EFHC2: variants seen among roughly 807,000 people sequenced by gnomAD.
EFHC2 encodes the protein EF-hand domain-containing family member C2.
A neutral mutation model predicts 52.7 loss-of-function variants in EFHC2; 18 were observed. That is an observed-to-expected ratio of 0.34 (90% CI 0.24 to 0.51). The LOEUF (loss-of-function observed/expected upper bound fraction) is 0.51. Among genes scored for constraint, EFHC2 ranks in the 20% least tolerant of loss-of-function variants. The pLI is 0.97. For synonymous variants in EFHC2, 203 were observed against 204.1 expected, an observed-to-expected ratio of 0.99 and a Z score of 0.04; for missense variants, 513 against 562.5, an observed-to-expected ratio of 0.91 and a Z score of 0.89.
At chrX:44,195,387 C>A (rs1442177438) in intron 11 of EFHC2, among the ~76,000 whole-genome samples, 1 of 111,748 alleles carries the variant, frequency 8.9e-6, no homozygotes, top group Non-Finnish European at 1.9e-5. Context: ...AACCCACGGA[C>A]CTGTAAGCTA....
intron 2 of EFHC2, among the ~76,000 whole-genome samples, chrX:44,275,707 G>A (rs1408180675): frequency 9.3e-6 from 1 of 107,293 alleles, no homozygotes; most frequent in African/African-American, 3.4e-5. Flanking sequence ...TGAGGTCAGG[G>A]GTTCGAGACC....
intron 11 of EFHC2, among the ~76,000 whole-genome samples, chrX:44,194,552 ATG>A (rs1232245061): frequency 3.6e-5 from 4 of 112,399 alleles, no homozygotes; most frequent in African/African-American, 9.7e-5. Flanking sequence ...TTTCAAAGTA[ATG>A]GAAGAAATCC....
At chrX:44,274,717 C>G (rs186963618) in intron 2 of EFHC2, among the ~76,000 whole-genome samples, 46 of 110,089 alleles carry the variant, frequency 4.2e-4, no homozygotes, top group African/African-American at 1.5e-3. Flanking sequence ...AATGAGACCC[C>G]GTTTTTACAA....
chrX:44,178,047 C>A (rs2036801785), intron 12 of EFHC2, among the ~76,000 whole-genome samples: 1 of 107,856 alleles, frequency 9.3e-6, no homozygotes, highest in Non-Finnish European at 1.9e-5. Context: ...AGGAGACTCT[C>A]TTGAACCTGG....
chrX:44,280,058 C>CAT (rs2037690964), intron 2 of EFHC2, among the ~76,000 whole-genome samples: 1 of 107,578 alleles, frequency 9.3e-6, no homozygotes, highest in Non-Finnish European at 1.9e-5. Flanking sequence ...CACACACACA[C>CAT]ACACACACAG....
At chrX:44,309,934 T>G in intron 2 of EFHC2, 2 of 994,475 alleles carry the variant, frequency 2.0e-6, no homozygotes, top group Non-Finnish European at 2.9e-6. Context: ...TTGATGTAAG[T>G]GTCAATAAGG....
intron 10 of EFHC2, among the ~76,000 whole-genome samples, chrX:44,230,593 T>A (rs773075162): frequency 2.7e-5 from 3 of 111,018 alleles, no homozygotes; most frequent in African/African-American, 9.8e-5. Context: ...TGATATTAAA[T>A]AGTATAGCAA....
intron 8 of EFHC2, among the ~76,000 whole-genome samples, chrX:44,236,403 A>G (rs1045386454): frequency 1.8e-5 from 2 of 112,188 alleles, no homozygotes; most frequent in Non-Finnish European, 3.8e-5. Context: ...AACTAAAATC[A>G]TTACCCCAGG....
At chrX:44,294,249 CGTGTGTGTGTGTGTGTGTGTGTGT>C (rs200162737) in intron 2 of EFHC2, among the ~76,000 whole-genome samples, 10 of 87,495 alleles carry the variant, frequency 1.1e-4, no homozygotes, top group Non-Finnish European at 2.3e-4. Context: ...GTATACTCAA[CGTGTGTGTGTGTGTGTGTGTGTGT>C]GTGTGTGTGT....
At chrX:44,314,043 A>G (rs186060844) in intron 1 of EFHC2, among the ~76,000 whole-genome samples, 16 of 112,371 alleles carry the variant, frequency 1.4e-4, no homozygotes, top group African/African-American at 5.2e-4. Context: ...ATTTCACGAC[A>G]CATATGTAAA....
chrX:44,309,725 T>C, intron 2 of EFHC2: 1 of 975,763 alleles, frequency 1.0e-6, no homozygotes, highest in South Asian at 1.9e-5. Flanking sequence ...AGGCCAGGCA[T>C]CGGTCCTCGT....
At chrX:44,210,821 A>G (rs2037089650) in intron 11 of EFHC2, among the ~76,000 whole-genome samples, 1 of 112,471 alleles carries the variant, frequency 8.9e-6, no homozygotes, top group Non-Finnish European at 1.9e-5. Context: ...GCAAAAACTG[A>G]TAAATAGGAC....
At chrX:44,170,370 G>A (rs1157062956) in intron 13 of EFHC2, among the ~76,000 whole-genome samples, 1 of 111,233 alleles carries the variant, frequency 9.0e-6, no homozygotes, top group Non-Finnish European at 1.9e-5. Flanking sequence ...GTTAGATGAG[G>A]TTGTAAGGAG....
intron 1 of EFHC2, among the ~76,000 whole-genome samples, chrX:44,335,127 G>A (rs1174728642): frequency 9.1e-6 from 1 of 110,424 alleles, no homozygotes; most frequent in Non-Finnish European, 1.9e-5. Context: ...TCAAAAGACT[G>A]TGTAGATTAT....
At chrX:44,298,376 C>T (rs1248563144) in intron 2 of EFHC2, among the ~76,000 whole-genome samples, 1 of 111,457 alleles carries the variant, frequency 9.0e-6, no homozygotes, top group Non-Finnish European at 1.9e-5. Context: ...CATAAGATTC[C>T]GTTTATCTGA....
intron 7 of EFHC2, among the ~76,000 whole-genome samples, chrX:44,244,078 G>A (rs2037381305): frequency 8.9e-6 from 1 of 112,112 alleles, no homozygotes; most frequent in African/African-American, 3.2e-5. Flanking sequence ...AATTAGGACT[G>A]CATTCTACAC....
intron 13 of EFHC2, among the ~76,000 whole-genome samples, chrX:44,168,780 C>T (rs1274132737): frequency 9.1e-6 from 1 of 110,474 alleles, no homozygotes; most frequent in Non-Finnish European, 1.9e-5. Flanking sequence ...TCACAACCTC[C>T]CTCCTATCTT....
intron 7 of EFHC2, among the ~76,000 whole-genome samples, chrX:44,245,330 C>T (rs1213050677): frequency 8.9e-6 from 1 of 111,923 alleles, no homozygotes; most frequent in African/African-American, 3.2e-5. Context: ...ATTGTCCCAG[C>T]CACTAAGAAA....
At chrX:44,208,554 G>A (rs1354633796) in intron 11 of EFHC2, among the ~76,000 whole-genome samples, 1 of 111,148 alleles carries the variant, frequency 9.0e-6, no homozygotes, top group Non-Finnish European at 1.9e-5. Context: ...TCACTATTTG[G>A]GTGACAAGGT....
Sources: gnomAD v4.1 joint callset for allele counts (sites outside exome capture counted in the v4.1 genomes callset) on GRCh38, gnomAD v4.1.1 for gene constraint, MANE v1.5 for transcripts, NCBI Gene and HGNC (gene_info 2026-07-23, HGNC 2026-07-21) for gene names.